Variants in ASTN2 observed in about 807,000 individuals in gnomAD.
ASTN2 encodes astrotactin 2, also known as astrotactin-2.
ASTN2 carries 54 observed loss-of-function variants against 139.8 expected under a neutral mutation model. The observed-to-expected ratio is 0.39, with a 90% CI of 0.31 to 0.48. The LOEUF (loss-of-function observed/expected upper bound fraction) is 0.48, where lower values mean the gene tolerates loss of function less well. Among genes scored for constraint, ASTN2 ranks in the 20% least tolerant of loss-of-function variants. ASTN2 has a pLI of 0.95. For synonymous variants in ASTN2, 756 were observed against 719.5 expected (o/e 1.05, Z -0.81); for missense variants, 1,565 against 1,725.1 (o/e 0.91, Z 1.64).
chr9:116,659,495 GAAGTA>G (rs1858427730), intron 16 of ASTN2, among the ~76,000 whole-genome samples: 2 of 152,222 alleles, frequency 1.3e-5, no homozygotes, highest in East Asian at 1.9e-4. Flanking sequence ...ATAGATCAGA[GAAGTA>G]AAGTAACGTG....
At chr9:117,346,443 T>C (rs1462401960) in intron 1 of ASTN2, among the ~76,000 whole-genome samples, 1 of 152,130 alleles carries the variant, frequency 6.6e-6, no homozygotes, top group Non-Finnish European at 1.5e-5. Context: ...ACCATGCATT[T>C]AGATAGCATT....
At chr9:117,277,216 C>A (rs1834214337) in intron 2 of ASTN2, 1 of 152,184 alleles carries the variant, frequency 6.6e-6, no homozygotes, top group Non-Finnish European at 1.5e-5. Flanking sequence ...TCCAAACAAG[C>A]TTTCAGTGAG....
intron 19 of ASTN2, among the ~76,000 whole-genome samples, chr9:116,530,094 G>GATATATATATAT (rs3984942): frequency 5.9e-5 from 3 of 51,084 alleles, no homozygotes; most frequent in Admixed American, 2.6e-4. Flanking sequence ...GATAAAGTGT[G>GATATATATATAT]ATATATATAT....
chr9:116,716,786 C>T (rs1211802240), intron 16 of ASTN2, among the ~76,000 whole-genome samples: 1 of 152,164 alleles, frequency 6.6e-6, no homozygotes, highest in Non-Finnish European at 1.5e-5. Context: ...AGCTAAGATT[C>T]AGAAGCAGAT....
intron 10 of ASTN2, among the ~76,000 whole-genome samples, chr9:116,877,145 C>T (rs10817951): frequency 0.11 from 16,032 of 152,200 alleles, 1,177 homozygotes; most frequent in East Asian, 0.36. Context: ...TTAGATTGTG[C>T]GGTCTAACCC....
chr9:117,185,718 G>T (rs953791853), intron 3 of ASTN2, among the ~76,000 whole-genome samples: 2 of 152,176 alleles, frequency 1.3e-5, no homozygotes, highest in Non-Finnish European at 2.9e-5. Flanking sequence ...CACAAGGAAT[G>T]GAGATGGGCT....
At chr9:117,218,083 A>G (rs1157947279) in intron 2 of ASTN2, among the ~76,000 whole-genome samples, 3 of 152,214 alleles carry the variant, frequency 2.0e-5, no homozygotes, top group African/African-American at 4.8e-5. Context: ...GCAAAAGCCT[A>G]CTTAGCCCCT....
At chr9:117,194,570 CATA>C (rs1467276855) in intron 3 of ASTN2, among the ~76,000 whole-genome samples, 2 of 152,142 alleles carry the variant, frequency 1.3e-5, no homozygotes, top group African/African-American at 4.8e-5. Flanking sequence ...CTGTATAAAA[CATA>C]GTTTTGATTA....
intron 19 of ASTN2, among the ~76,000 whole-genome samples, chr9:116,507,574 T>A (rs1430041527): frequency 6.6e-6 from 1 of 152,182 alleles, no homozygotes; most frequent in African/African-American, 2.4e-5. Flanking sequence ...TGGACCACAA[T>A]ATTCCCACAG....
chr9:117,370,780 C>T (rs1488947904), intron 1 of ASTN2, among the ~76,000 whole-genome samples: 5 of 152,022 alleles, frequency 3.3e-5, no homozygotes, highest in Non-Finnish European at 7.4e-5. Context: ...AATCATAGCT[C>T]TCTCAATGCA....
intron 10 of ASTN2, among the ~76,000 whole-genome samples, chr9:116,959,512 G>A (rs921903579): frequency 1.3e-5 from 2 of 152,030 alleles, no homozygotes; most frequent in African/African-American, 2.4e-5. Flanking sequence ...CCAGTGGCTC[G>A]TGGAGGATGA....
intron 17 of ASTN2, among the ~76,000 whole-genome samples, chr9:116,643,855 T>C (rs944469102): frequency 2.6e-5 from 4 of 152,206 alleles, no homozygotes; most frequent in Non-Finnish European, 5.9e-5. Flanking sequence ...GGAATGTCTA[T>C]TGCACTATTC....
chr9:116,676,742 G>C (rs1449359752), intron 16 of ASTN2, among the ~76,000 whole-genome samples: 1 of 152,216 alleles, frequency 6.6e-6, no homozygotes. Context: ...AGTAGCCAAG[G>C]CTTTATCTTT....
chr9:116,565,403 A>ATTTATT (rs1564120442), intron 19 of ASTN2, among the ~76,000 whole-genome samples: 3 of 82,766 alleles, frequency 3.6e-5, no homozygotes, highest in African/African-American at 1.5e-4. Flanking sequence ...ATATATATAT[A>ATTTATT]TATATATATA....
chr9:116,493,196 T>C (rs748253961), intron 19 of ASTN2, among the ~76,000 whole-genome samples: 8 of 152,140 alleles, frequency 5.3e-5, no homozygotes, highest in African/African-American at 1.4e-4. Flanking sequence ...CTGAGCCCCA[T>C]GCACCTTTCA....
intron 1 of ASTN2, among the ~76,000 whole-genome samples, chr9:117,351,759 T>C (rs1829396841): frequency 2.3e-5 from 1 of 43,810 alleles, no homozygotes; most frequent in Admixed American, 4.2e-4. Flanking sequence ...TTCTGCCCCT[T>C]TTCTTCATGT....
chr9:116,820,279 C>T (rs1464442582), intron 12 of ASTN2, among the ~76,000 whole-genome samples: 2 of 152,188 alleles, frequency 1.3e-5, no homozygotes, highest in African/African-American at 2.4e-5. Context: ...CTGCTTTTGT[C>T]TCCAAACTGC....
chr9:116,976,852 G>T lies in ASTN2; in HGVS notation c.1592-67C>A, dbSNP rs565763838. On this transcript the variant is annotated intron_variant, in intron 7 of 22. Transcript: ENST00000313400. ...CCCCAAATAGGCTTTTCTCTGGTTT[G>T]CTTGTTTTCCTAAGACATAAAGTGA... is the stretch of plus-strand genomic sequence containing the variant. 8 of 1,466,984 alleles carry T rather than the reference G, an allele frequency of 5.5e-6. No homozygotes were observed. In the African/African-American group the frequency reaches 5.6e-5, roughly 10 times the overall value. 90.9% of individuals were successfully genotyped at this position (1,466,984 alleles called of 1,614,324 possible).
At chr9:116,963,763 C>T (rs1017831613) in intron 10 of ASTN2, among the ~76,000 whole-genome samples, 1 of 152,166 alleles carries the variant, frequency 6.6e-6, no homozygotes, top group African/African-American at 2.4e-5. Flanking sequence ...TGGATGGACT[C>T]GATGGGCTTT....
Sources: allele counts gnomAD v4.1 joint callset (sites outside exome capture counted in the v4.1 genomes callset), GRCh38; gene constraint gnomAD v4.1.1; transcripts MANE v1.5; gene names NCBI Gene and HGNC (gene_info 2026-07-23, HGNC 2026-07-21).